Variants in KCNJ15 observed in about 807,000 individuals in gnomAD.
KCNJ15 encodes the protein ATP-sensitive inward rectifier potassium channel 15.
In KCNJ15, 14 loss-of-function variants were observed where a neutral mutation model predicts 23.0. The ratio of observed to expected loss-of-function variants is 0.61; its 90% CI spans 0.40 to 0.95. The LOEUF is 0.95. KCNJ15 is among the 40% of genes least tolerant of loss of function. The probability of loss-of-function intolerance (pLI) is 0.00; values close to 1 mark genes in which losing one functional copy is unlikely to be tolerated. For missense variants in KCNJ15, 388 were observed against 461.8 expected, an observed-to-expected ratio of 0.84 and a Z score of 1.46; for synonymous variants, 185 against 183.2, an observed-to-expected ratio of 1.01 and a Z score of -0.08.
At chr21:38,260,383 G>T (rs1171867492) in intron 1 of KCNJ15, among the ~76,000 whole-genome samples, 1 of 152,144 alleles carries the variant, frequency 6.6e-6, no homozygotes, top group South Asian at 2.1e-4. Context: ...CATCTGTGCT[G>T]TTTTCACAAG....
At chr21:38,274,262 C>T (rs915500727) in intron 1 of KCNJ15, among the ~76,000 whole-genome samples, 1 of 152,230 alleles carries the variant, frequency 6.6e-6, no homozygotes, top group Non-Finnish European at 1.5e-5. Context: ...CTCTTGTTGC[C>T]TCTCCTACAT....
rs80065026 is a variant in KCNJ15, at chr21:38,287,993, C to T, written c.-116-8933C>T. Among the ~76,000 whole-genome samples the T allele has an allele frequency of 7.0e-3, 944 of 134,896 alleles. 6 individuals carry two copies. The highest frequency in any genetic ancestry group is 0.023 in the African/African-American group (837 of 36,620). The allele number at this position is 134,896 out of a possible 152,430, so 88.5% of individuals were successfully genotyped here. A position where few individuals can be genotyped will look rare whatever the true frequency, so the allele number is the denominator to read the frequency against. Reference sequence around the variant, plus strand: ...GAGACAGAATTTCAAAACTTTTTGACATTTGTCCCATTGTTAAATAACTTG... The same window carrying T: ...GAGACAGAATTTCAAAACTTTTTGATATTTGTCCCATTGTTAAATAACTTG... On this transcript the variant is annotated intron_variant, in intron 1 of 2. Coordinates refer to ENST00000398938, the MANE Select transcript of KCNJ15 (RefSeq NM_170736.3).
chr21:38,244,776 CCCAAG>C (rs2123563248), intron 1 of KCNJ15, among the ~76,000 whole-genome samples: 1 of 152,272 alleles, frequency 6.6e-6, no homozygotes, highest in East Asian at 1.9e-4. Context: ...CTTGTCTCCT[CCCAAG>C]CCCTGGGAGG....
At chr21:38,242,592 T>A (rs1359168445) in intron 1 of KCNJ15, among the ~76,000 whole-genome samples, 3 of 152,176 alleles carry the variant, frequency 2.0e-5, no homozygotes. Context: ...TAGGACGTCT[T>A]TCCCTAAGCC....
At chr21:38,263,707 CAT>C (rs998419999) in intron 1 of KCNJ15, among the ~76,000 whole-genome samples, 2 of 152,138 alleles carry the variant, frequency 1.3e-5, no homozygotes, top group African/African-American at 4.8e-5. Context: ...ATCCAAAGAA[CAT>C]GTGTGATGTC....
chr21:38,298,739 T>C (rs1985427908), intron 2 of KCNJ15, among the ~76,000 whole-genome samples: 1 of 152,246 alleles, frequency 6.6e-6, no homozygotes, highest in African/African-American at 2.4e-5. Context: ...ATAGCAGTAC[T>C]GGACTTACAC....
Position 38,286,919 on chromosome 21 carries a change from A to G in KCNJ15, c.-116-10007A>G, listed in dbSNP as rs978314522. Among the ~76,000 whole-genome samples the G allele has an allele frequency of 9.8e-5, 15 of 152,358 alleles. No homozygotes were observed. In the South Asian group the frequency reaches 3.1e-3, roughly 32 times the overall value. ...CATAGTGGAAATCACAGACATTTCAATATCACATTCCAGTCATTTCAGAGA... is the reference window on the plus strand; with the variant it reads ...CATAGTGGAAATCACAGACATTTCAGTATCACATTCCAGTCATTTCAGAGA... On this transcript the variant is annotated intron_variant, in intron 1 of 2. Coordinates refer to ENST00000398938, the MANE Select transcript of KCNJ15 (RefSeq NM_170736.3).
At position 38,301,818 on chromosome 21, in the gene KCNJ15, T is replaced by C. The variant is rs899028512; in HGVS notation, c.*1429T>C. ...AATAAATGGGCTATGACTGGTTAAA[T>C]GTCCAAAAGGTGAATTCTCATTTCA... On this transcript the variant is annotated 3_prime_UTR_variant, in exon 3 of 3. Coordinates refer to ENST00000398938, the MANE Select transcript of KCNJ15 (RefSeq NM_170736.3). The C allele has an allele frequency of 1.8e-5, 3 of 167,046 alleles. No homozygotes were observed. The highest frequency in any genetic ancestry group is 7.2e-5 in the African/African-American group (3 of 41,432). The allele number at this position is 167,046 out of a possible 1,614,324, so 10.3% of individuals were successfully genotyped here. A position where few individuals can be genotyped will look rare whatever the true frequency, so the allele number is the denominator to read the frequency against.
intron 1 of KCNJ15, among the ~76,000 whole-genome samples, chr21:38,258,270 T>C (rs1409112297): frequency 6.6e-6 from 1 of 152,202 alleles, no homozygotes; most frequent in Non-Finnish European, 1.5e-5. Flanking sequence ...CTATTTAAAA[T>C]TGTCCTAAAA....
intron 1 of KCNJ15, among the ~76,000 whole-genome samples, chr21:38,234,293 T>A (rs34073286): frequency 0.12 from 18,034 of 152,198 alleles, 2,836 homozygotes; most frequent in African/African-American, 0.36. Flanking sequence ...ATGAGCTATT[T>A]TTAGTGTTAG....
intron 1 of KCNJ15, among the ~76,000 whole-genome samples, chr21:38,290,706 C>A (rs549739469): frequency 6.6e-6 from 1 of 151,982 alleles, no homozygotes; most frequent in African/African-American, 2.4e-5. Context: ...GGAGATGCTG[C>A]GGTTGGATGA....
upstream of KCNJ15, among the ~76,000 whole-genome samples, chr21:38,254,339 T>C (rs924309949): frequency 3.3e-5 from 5 of 152,222 alleles, no homozygotes; most frequent in African/African-American, 1.2e-4. Flanking sequence ...CAAAATCTAA[T>C]TGTTGACATA....
rs537898013 is a variant in KCNJ15, at chr21:38,248,486, CAATAAAAGAA to C, written c.-398-8559_-398-8550del. On this transcript the variant is annotated intron_variant, in intron 1 of 4. Transcript: ENST00000547341. ...CTATTTAACTATTCAAGTGGTTGGA[CAATAAAAGAA>C]CTAGAATAAGACTCAGAAAAGCCTA... 1.8e-3 allele frequency among the ~76,000 whole-genome samples: 280 copies of C among 152,304 alleles called. 2 individuals are homozygous for C. The highest frequency in any genetic ancestry group is 6.4e-3 in the African/African-American group (266 of 41,558).
At chr21:38,230,977 G>A (rs1197049466) in intron 1 of KCNJ15, among the ~76,000 whole-genome samples, 1 of 151,988 alleles carries the variant, frequency 6.6e-6, no homozygotes, top group Non-Finnish European at 1.5e-5. Context: ...ATTTTGATAG[G>A]TATTGCATTG....
chr21:38,274,936 C>T (rs1312403776), intron 1 of KCNJ15, among the ~76,000 whole-genome samples: 1 of 151,990 alleles, frequency 6.6e-6, no homozygotes, highest in Non-Finnish European at 1.5e-5. Context: ...CAACTTTTAC[C>T]TCTAGGTACA....
intron 1 of KCNJ15, among the ~76,000 whole-genome samples, chr21:38,235,341 G>A (rs1978530388): frequency 6.6e-6 from 1 of 151,932 alleles, no homozygotes; most frequent in South Asian, 2.1e-4. Flanking sequence ...ATCAAATGAG[G>A]TCAGGAGTTT....
intron 1 of KCNJ15, among the ~76,000 whole-genome samples, chr21:38,258,306 C>T (rs1352369512): frequency 6.6e-6 from 1 of 152,190 alleles, no homozygotes; most frequent in African/African-American, 2.4e-5. Context: ...TCCCATAAAG[C>T]TATAATACAT....
intron 1 of KCNJ15, among the ~76,000 whole-genome samples, chr21:38,292,095 G>T (rs181366420): frequency 6.6e-6 from 1 of 152,340 alleles, no homozygotes; most frequent in East Asian, 1.9e-4. Flanking sequence ...TAATGCTGAT[G>T]ATGGTGGTTA....
chr21:38,247,553 G>C (rs1979524905), intron 1 of KCNJ15, among the ~76,000 whole-genome samples: 1 of 151,942 alleles, frequency 6.6e-6, no homozygotes, highest in Admixed American at 6.5e-5. Context: ...TGGATGGATG[G>C]ATGGATGGAT....
Sources: gnomAD v4.1 joint callset for allele counts (sites outside exome capture counted in the v4.1 genomes callset) on GRCh38, gnomAD v4.1.1 for gene constraint, MANE v1.5 for transcripts, NCBI Gene and HGNC (gene_info 2026-07-23, HGNC 2026-07-21) for gene names.